Variants in SEPTIN14 observed in about 807,000 individuals in gnomAD.
SEPTIN14 encodes septin 14, also known as septin-14.
In SEPTIN14, 40 loss-of-function variants were observed where a neutral mutation model predicts 53.6. The observed-to-expected ratio is 0.75, with a 90% confidence interval of 0.58 to 0.97. SEPTIN14 has a LOEUF of 0.97. Ranked by LOEUF, SEPTIN14 falls within the 50% of genes least tolerant of loss-of-function variation. The pLI is 0.00. For synonymous variants in SEPTIN14, 138 were observed against 166.8 expected, an observed-to-expected ratio of 0.83 and a Z score of 1.33; for missense variants, 471 against 508.2, an observed-to-expected ratio of 0.93 and a Z score of 0.70.
chr7:55,838,884 C>T (rs1025164861), intron 5 of SEPTIN14, among the ~76,000 whole-genome samples: 1 of 152,062 alleles, frequency 6.6e-6, no homozygotes, highest in African/African-American at 2.4e-5. Flanking sequence ...TAATCAACAG[C>T]AGTCCAAATA....
intron 5 of SEPTIN14, 80 bp from the exon 6 acceptor site, chr7:55,834,666 G>A (rs1789171751): frequency 3.3e-6 from 4 of 1,198,198 alleles, no homozygotes; most frequent in South Asian, 3.0e-5. Context: ...GTTTTGAGAC[G>A]GAGTCTCGCT....
chr7:55,829,373 T>C (rs1476795311), intron 6 of SEPTIN14, among the ~76,000 whole-genome samples: 2 of 135,036 alleles, frequency 1.5e-5, no homozygotes, highest in Non-Finnish European at 1.6e-5. Context: ...AGCAAAACTC[T>C]GTCTCAAAAA....
chr7:55,809,288 A>T (rs932569351), intron 7 of SEPTIN14, among the ~76,000 whole-genome samples: 9 of 149,278 alleles, frequency 6.0e-5, no homozygotes, highest in Non-Finnish European at 1.3e-4. Flanking sequence ...GAGAGTGAGG[A>T]CAGAAAAGCT....
At chr7:55,859,810 A>G (rs1486014332) in intron 2 of SEPTIN14, among the ~76,000 whole-genome samples, 1 of 152,192 alleles carries the variant, frequency 6.6e-6, no homozygotes, top group Non-Finnish European at 1.5e-5. Flanking sequence ...TGTATTCACC[A>G]CAGCAAAAAT....
chr7:55,840,509 T>C (rs1325466881), intron 5 of SEPTIN14, among the ~76,000 whole-genome samples: 1 of 151,622 alleles, frequency 6.6e-6, no homozygotes, highest in African/African-American at 2.4e-5. Flanking sequence ...AGACAAAATG[T>C]GGACACCCCG....
intron 6 of SEPTIN14, among the ~76,000 whole-genome samples, chr7:55,832,188 G>C (rs532173270): frequency 2.1e-5 from 3 of 145,132 alleles, no homozygotes; most frequent in African/African-American, 7.7e-5. Context: ...GTGACAGGGC[G>C]AGACTCTGTC....
At chr7:55,847,010 A>G (rs1333827734) in intron 2 of SEPTIN14, among the ~76,000 whole-genome samples, 5 of 152,040 alleles carry the variant, frequency 3.3e-5, no homozygotes, top group African/African-American at 1.2e-4. Flanking sequence ...ACATTGTGAA[A>G]CCCCATCTCT....
rs1270503245 is a variant in SEPTIN14, at chr7:55,819,113, T to C, written c.817+14A>G. 15 of 1,466,958 alleles carry C rather than the reference T, an allele frequency of 1.0e-5. No homozygotes were observed. Among genetic ancestry groups the C allele is most frequent in the Admixed American group, 1.9e-5 (1 of 52,518 alleles). 90.9% of individuals were successfully genotyped at this position (1,466,958 alleles called of 1,614,324 possible). On this transcript the variant is annotated intron_variant, in intron 7 of 9. Transcript: ENST00000388975. ...AACTTAATCATTCCAAAGCCTGCCC[T>C]CTGTCATTTTTACCTTGCAAAACTC...
chr7:55,810,955 C>G, intron 7 of SEPTIN14: 1 of 412,638 alleles, frequency 2.4e-6, no homozygotes, highest in South Asian at 2.0e-5. Context: ...CTGCCTTTTC[C>G]TTGTACAGAC....
Position 55,849,106 on chromosome 7 carries a change from C to A in SEPTIN14, c.55-2469G>T, listed in dbSNP as rs527453415. On this transcript the variant is annotated intron_variant, in intron 2 of 9. Transcript: ENST00000388975. ...TTGAGAGGCTGAGGCAGAAGGATCACTTGAGGTTAGGAGTTCGAGACCAGC... is the reference window on the plus strand; with the variant it reads ...TTGAGAGGCTGAGGCAGAAGGATCAATTGAGGTTAGGAGTTCGAGACCAGC... Among the ~76,000 whole-genome samples the A allele has an allele frequency of 6.6e-5, 10 of 152,060 alleles. No individual in the cohort carries two copies. The South Asian group carries it at 2.1e-3, about 32-fold the overall frequency.
At chr7:55,819,462 G>A (rs1383065297) in intron 6 of SEPTIN14, among the ~76,000 whole-genome samples, 9 of 152,004 alleles carry the variant, frequency 5.9e-5, no homozygotes, top group African/African-American at 1.7e-4. Flanking sequence ...GGTGGCGGGC[G>A]CCTGTAGTCC....
intron 4 of SEPTIN14, among the ~76,000 whole-genome samples, chr7:55,843,945 GGCAACATA>G (rs1473640983): frequency 2.6e-5 from 4 of 152,116 alleles, no homozygotes; most frequent in African/African-American, 9.7e-5. Flanking sequence ...CACCAGCCTG[GGCAACATA>G]GCAAGACCCC....
chr7:55,846,856 C>G (rs746567030), intron 2 of SEPTIN14, among the ~76,000 whole-genome samples: 2 of 152,120 alleles, frequency 1.3e-5, no homozygotes, highest in Non-Finnish European at 2.9e-5. Context: ...GTGAATCTAT[C>G]TCTCAGCACA....
chr7:55,801,204 GAAAT>G (rs1788517883), intron 9 of SEPTIN14, among the ~76,000 whole-genome samples: 1 of 151,598 alleles, frequency 6.6e-6, no homozygotes, highest in African/African-American at 2.4e-5. Context: ...AATCACAGCA[GAAAT>G]AAATAAGATA....
At chr7:55,797,023 T>C (rs2115942457) in intron 9 of SEPTIN14, among the ~76,000 whole-genome samples, 1 of 151,900 alleles carries the variant, frequency 6.6e-6, no homozygotes, top group South Asian at 2.1e-4. Context: ...TTTGGGAGGC[T>C]GAGGCAGGAG....
intron 2 of SEPTIN14, among the ~76,000 whole-genome samples, chr7:55,853,547 T>C (rs894517645): frequency 3.3e-5 from 5 of 151,876 alleles, no homozygotes; most frequent in Non-Finnish European, 7.4e-5. Flanking sequence ...GTGGGGGTGG[T>C]GAGGGGATGG....
intron 6 of SEPTIN14, among the ~76,000 whole-genome samples, chr7:55,826,819 T>G: frequency 6.8e-6 from 1 of 146,398 alleles, no homozygotes; most frequent in East Asian, 2.0e-4. Context: ...AAAAAAAGAA[T>G]AAAGAACAAT....
chr7:55,853,908 A>C (rs1789561508), intron 2 of SEPTIN14, among the ~76,000 whole-genome samples: 1 of 152,134 alleles, frequency 6.6e-6, no homozygotes, highest in African/African-American at 2.4e-5. Context: ...TGAGCTCAGG[A>C]GTTCGAGACC....
rs150672852 is a variant in SEPTIN14 at position 55,843,310 on chromosome 7, T to C, written c.372-182A>G. The stretch of plus-strand genomic sequence containing the variant: ...CAATAATAAGGCTCATGCTTTACTC[T>C]ATGGTTATGTAAAATGTAAACATAG... On this transcript the variant is annotated intron_variant, in intron 4 of 9. Coordinates refer to ENST00000388975, the MANE Select transcript of SEPTIN14 (RefSeq NM_207366.3). 2.8e-3 allele frequency among the ~76,000 whole-genome samples: 422 copies of C among 152,330 alleles called. 5 individuals carry two copies. The highest frequency in any genetic ancestry group is 0.01 in the Middle Eastern group (3 of 294).
Sources: gnomAD v4.1 joint callset for allele counts (sites outside exome capture counted in the v4.1 genomes callset) on GRCh38, gnomAD v4.1.1 for gene constraint, MANE v1.5 for transcripts, NCBI Gene and HGNC (gene_info 2026-07-23, HGNC 2026-07-21) for gene names.